The following ZNF786 variants were observed in gnomAD, a reference collection of about 807,000 sequenced individuals.
The protein encoded by ZNF786 is zinc finger protein 786.
Under a neutral mutation model 63.1 loss-of-function variants are expected in ZNF786, and 56 were observed. The ratio of observed to expected loss-of-function variants is 0.89; its 90% CI spans 0.72 to 1.11. The LOEUF (loss-of-function observed/expected upper bound fraction) is 1.11. Among genes scored for constraint, ZNF786 ranks in the 50% least tolerant of loss-of-function variants. The pLI is 0.00. For missense variants in ZNF786, 1,213 were observed against 1,041.8 expected (o/e 1.16, Z -2.26); for synonymous variants, 485 against 406.9 (o/e 1.19, Z -2.31).
At chr7:149,073,560 G>T (rs1464264792) in intron 3 of ZNF786, among the ~76,000 whole-genome samples, 2 of 151,646 alleles carry the variant, frequency 1.3e-5, no homozygotes, top group African/African-American at 4.8e-5. Flanking sequence ...GCAAGATCCT[G>T]TGTCTTAAAA....
Position 149,072,015 on chromosome 7 carries a change from G to C in ZNF786, c.757C>G (p.Leu253Val), listed in dbSNP as rs921064436. 1.2e-6 allele frequency: 2 copies of C among 1,613,006 alleles called. No homozygotes were observed. Reference sequence around the variant, plus strand: ...GCCGCCAGATGGCGCAGCAGACACAGCTTCCGGCGGAAGCTCTTACCGCAC... The same window carrying C: ...GCCGCCAGATGGCGCAGCAGACACACCTTCCGGCGGAAGCTCTTACCGCAC... Reference protein sequence around the residue: ...GVCGKSFRRKLCLLRHLAAHT... With the variant: ...GVCGKSFRRKVCLLRHLAAHT... Residue 253 changes from leucine to valine, a missense_variant, in exon 4 of 4, where the codon CTG becomes GTG. Transcript: ENST00000491431.
At chr7:149,080,145 T>A (rs757066772) in intron 2 of ZNF786, among the ~76,000 whole-genome samples, 18 of 151,816 alleles carry the variant, frequency 1.2e-4, no homozygotes, top group Admixed American at 5.9e-4. Context: ...GGCGACAGAG[T>A]GAGACTATGT....
intron 1 of ZNF786, among the ~76,000 whole-genome samples, chr7:149,084,599 C>G (rs1391581290): frequency 6.6e-6 from 1 of 152,134 alleles, no homozygotes; most frequent in Non-Finnish European, 1.5e-5. Flanking sequence ...ATATGTATGT[C>G]TTCTTTTGAG....
At chr7:149,082,630 G>C (rs1825672380) in intron 1 of ZNF786, 2 of 236,012 alleles carry the variant, frequency 8.5e-6, no homozygotes, top group Non-Finnish European at 1.4e-5. Context: ...TGCCAGGCTG[G>C]AGTGCAGTGG....
chr7:149,077,851 T>G (rs1825585092), intron 2 of ZNF786, among the ~76,000 whole-genome samples: 1 of 150,996 alleles, frequency 6.6e-6, no homozygotes, highest in Admixed American at 6.6e-5. Flanking sequence ...CAAATTAAAA[T>G]GTAGCATAAT....
intron 2 of ZNF786, among the ~76,000 whole-genome samples, chr7:149,079,900 C>T (rs757904574): frequency 3.3e-5 from 5 of 149,714 alleles, no homozygotes; most frequent in Admixed American, 1.3e-4. Context: ...TCAGGCCAGG[C>T]GTAGTGGCTC....
In ZNF786 at chr7:149,071,018, CG is replaced by C; in HGVS notation, c.1753del (p.Arg585AlafsTer20). On this transcript the variant is annotated frameshift_variant, in exon 4 of 4. Transcript: ENST00000491431. LOFTEE classifies it high-confidence loss of function. ...GAAGGGTCTCTCCCCGCTGTGCACG[CG>C]CAAGTGCTCCGTGAGCTTGGATTGT... ...TRQSKLTEHL[R>X]VHSGERPFQC... 6.2e-7 allele frequency: 1 copy of C among 1,612,824 alleles called. No homozygotes were observed.
At chr7:149,089,073 G>C (rs909977788) in intron 1 of ZNF786, among the ~76,000 whole-genome samples, 6 of 146,296 alleles carry the variant, frequency 4.1e-5, no homozygotes, top group Admixed American at 1.4e-4. Context: ...TCAGCCTCCC[G>C]AGCAGCTGGG....
At chr7:149,074,685 C>A (rs1006167580) in intron 2 of ZNF786, 147 bp from the exon 3 acceptor site, 1 of 909,262 alleles carries the variant, frequency 1.1e-6, no homozygotes, top group East Asian at 2.7e-5. Context: ...GATGAAAAAA[C>A]CGCCTACACA....
intron 2 of ZNF786, among the ~76,000 whole-genome samples, chr7:149,074,815 C>CTATATA (rs372272906): frequency 6.7e-6 from 1 of 148,404 alleles, no homozygotes; most frequent in Non-Finnish European, 1.5e-5. Context: ...ATGGCTAATG[C>CTATATA]TATATATATA....
At position 149,072,285 on chromosome 7, in the gene ZNF786, C is replaced by T; in HGVS notation, c.487G>A (p.Glu163Lys). ...AGATTTCTGGGACCTGGGATTCCTT[C>T]TTTTAGGGTAGATTCACTGGGGCCG... ...ACGPSESTLKEGIPGPRNLDL... is the reference protein window; with the variant it reads ...ACGPSESTLKKGIPGPRNLDL... Residue 163 changes from glutamate to lysine, a missense_variant, in exon 4 of 4, where the codon GAA becomes AAA. Coordinates refer to ENST00000491431, the MANE Select transcript of ZNF786 (RefSeq NM_152411.4). 1.9e-6 allele frequency: 3 copies of T among 1,613,704 alleles called. No homozygotes were observed. The highest frequency in any genetic ancestry group is 4.5e-5 in the East Asian group (2 of 44,876).
intron 1 of ZNF786, among the ~76,000 whole-genome samples, chr7:149,088,317 T>G (rs748569809): frequency 1.6e-4 from 24 of 152,190 alleles, no homozygotes; most frequent in Non-Finnish European, 3.2e-4. Context: ...CAGGCTTATT[T>G]CAGGCAGTTT....
Position 149,071,786 on chromosome 7 carries a change from C to T in ZNF786, c.986G>A (p.Gly329Asp). 9 of 1,582,208 alleles carry T rather than the reference C, an allele frequency of 5.7e-6. No individual in the cohort carries two copies. Among genetic ancestry groups the T allele is most frequent in the Non-Finnish European group, 6.8e-6 (8 of 1,169,252 alleles). ...SREGPASWREGRGASSSVHSG... is the reference protein window; with the variant it reads ...SREGPASWREDRGASSSVHSG... ...GTGCACACTGCTGGAGGCCCCGCGGCCTTCTCTCCAAGAGGCCGGCCCCTC... is the reference window on the plus strand; with the variant it reads ...GTGCACACTGCTGGAGGCCCCGCGGTCTTCTCTCCAAGAGGCCGGCCCCTC... The change falls in exon 4 of 4, where the codon GGC becomes GAC. Residue 329 changes from glycine to aspartate, a missense_variant. Transcript: ENST00000491431.
At chr7:149,079,563 C>CTTTTTT (rs377025040) in intron 2 of ZNF786, among the ~76,000 whole-genome samples, 1 of 119,442 alleles carries the variant, frequency 8.4e-6, no homozygotes, top group Admixed American at 8.8e-5. Flanking sequence ...GACAGCTACT[C>CTTTTTT]TTTTTTTTTT....
At chr7:149,078,810 T>TA (rs1240748040) in intron 2 of ZNF786, among the ~76,000 whole-genome samples, 1 of 152,090 alleles carries the variant, frequency 6.6e-6, no homozygotes, top group East Asian at 1.9e-4. Flanking sequence ...AGAGAACTAA[T>TA]TATCTTTATA....
In ZNF786 at chr7:149,072,462, C is replaced by A; in HGVS notation, c.310G>T (p.Ala104Ser). The A allele has an allele frequency of 6.3e-7, 1 of 1,584,384 alleles. No homozygotes were observed. The highest frequency in any genetic ancestry group is 8.6e-7 in the Non-Finnish European group (1 of 1,167,496). The change falls in exon 4 of 4, where the codon GCT becomes TCT. Residue 104 changes from alanine to serine, a missense_variant. Physicochemically the swap from Ala to Ser is moderately conservative, Grantham distance 99. Transcript: ENST00000491431. The stretch of plus-strand genomic sequence containing the variant: ...CTTTTAGTTTTTCCTGAATTCATAG[C>A]CTGCTGGCTTCCTGCAATTGAAAAC... ...EEQLFWGSQQ[A>S]MNSGKTKSHF...
chr7:149,090,573 G>A, intron 1 of ZNF786, 50 bp downstream of exon 1: 1 of 1,535,610 alleles, frequency 6.5e-7, no homozygotes, highest in Non-Finnish European at 8.8e-7. Flanking sequence ...GGAACCCGAG[G>A]ACCCACCACG....
chr7:149,074,876 A>G (rs1041337370), intron 2 of ZNF786, among the ~76,000 whole-genome samples: 1 of 151,912 alleles, frequency 6.6e-6, no homozygotes, highest in Non-Finnish European at 1.5e-5. Flanking sequence ...TTCTCACTCC[A>G]GTTGCCAAGG....
At position 149,071,526 on chromosome 7, in the gene ZNF786, G is replaced by C. The variant is rs1180147167; in HGVS notation, c.1246C>G (p.Gln416Glu). The C allele has an allele frequency of 6.2e-7, 1 of 1,613,180 alleles. No individual in the cohort carries two copies. Among genetic ancestry groups the C allele is most frequent in the African/African-American group, 1.3e-5 (1 of 74,956 alleles). Residue 416 changes from glutamine (Q) to glutamate (E), a missense_variant, in exon 4 of 4, where the codon CAG (glutamine) becomes GAG (glutamate). Physicochemically the swap from Gln to Glu is conservative, Grantham distance 29. Coordinates refer to ENST00000491431, the MANE Select transcript of ZNF786 (RefSeq NM_152411.4). ...FRLRRLLQVH[Q>E]HAHGGERPFS... ...GGTCTCTCCCCACCGTGCGCGTGCTGGTGGACCTGCAGCAGGCGGCGCAGG... is the reference window on the plus strand; with the variant it reads ...GGTCTCTCCCCACCGTGCGCGTGCTCGTGGACCTGCAGCAGGCGGCGCAGG...
Sources: gnomAD v4.1 joint callset for allele counts (sites outside exome capture counted in the v4.1 genomes callset) on GRCh38, gnomAD v4.1.1 for gene constraint, MANE v1.5 for transcripts, NCBI Gene and HGNC (gene_info 2026-07-23, HGNC 2026-07-21) for gene names.